Variants in MCCC2 observed in about 807,000 individuals in gnomAD.
MCCC2 encodes the protein methylcrotonyl-CoA carboxylase subunit 2, also known as methylcrotonoyl-CoA carboxylase beta chain, mitochondrial.
MCCC2 carries 52 observed loss-of-function variants against 77.2 expected under a neutral mutation model. The ratio of observed to expected loss-of-function variants is 0.67; its 90% confidence interval spans 0.54 to 0.85. MCCC2 has a LOEUF of 0.85. MCCC2 is among the 40% of genes least tolerant of loss of function. MCCC2 has a pLI of 0.00. For synonymous variants in MCCC2, 253 were observed against 248.4 expected, an observed-to-expected ratio of 1.02 and a Z score of -0.18; for missense variants, 682 against 703.2, an observed-to-expected ratio of 0.97 and a Z score of 0.34.
intron 5 of MCCC2, 85 bp from the exon 6 acceptor site, chr5:71,604,271 C>T: frequency 8.6e-7 from 1 of 1,157,210 alleles, no homozygotes; most frequent in Non-Finnish European, 1.3e-6. Context: ...TGATTAAGAA[C>T]TGATGCTGTC....
intron 1 of MCCC2, 160 bp from the exon 2 acceptor site, chr5:71,592,766 C>T (rs1745028802): frequency 1.5e-6 from 1 of 671,084 alleles, no homozygotes; most frequent in African/African-American, 1.8e-5. Context: ...CCATACGATC[C>T]AGTGGCCCAG....
intron 6 of MCCC2, among the ~76,000 whole-genome samples, chr5:71,616,282 C>G (rs1746151441): frequency 6.6e-6 from 1 of 152,190 alleles, no homozygotes; most frequent in African/African-American, 2.4e-5. Context: ...TAGTCAAACC[C>G]AAGGATGGGT....
chr5:71,593,088 T>TA, intron 2 of MCCC2, 96 bp downstream of exon 2: 1 of 1,064,764 alleles, frequency 9.4e-7, no homozygotes, highest in Non-Finnish European at 1.4e-6. Context: ...AAGCTTTTGA[T>TA]ATTTTTTTTT....
chr5:71,590,566 T>C (rs937571120), intron 1 of MCCC2, among the ~76,000 whole-genome samples: 1 of 152,002 alleles, frequency 6.6e-6, no homozygotes, highest in African/African-American at 2.4e-5. Context: ...CCTGTAATCC[T>C]AGCGCTTTGG....
intron 1 of MCCC2, among the ~76,000 whole-genome samples, chr5:71,591,968 A>G (rs1277806266): frequency 3.3e-5 from 5 of 151,924 alleles, no homozygotes; most frequent in Admixed American, 6.6e-5. Flanking sequence ...AAGTCTCCCT[A>G]TGTTACTCAG....
rs188055826 is a variant in MCCC2, at chr5:71,646,104, G to A, written c.1150-107G>A. The stretch of plus-strand genomic sequence containing the variant: ...AATAAGAAGAGAAAAAATTTTAAAG[G>A]GGAGTATTCTTTCTTGTCTTTGGCT... On this transcript the variant is annotated intron_variant, in intron 12 of 16. Coordinates refer to ENST00000340941, the MANE Select transcript of MCCC2 (RefSeq NM_022132.5). The A allele has an allele frequency of 1.6e-4, 147 of 901,422 alleles. 1 individual carries two copies. In the East Asian group the frequency reaches 3.5e-3, roughly 21 times the overall value. 55.8% of individuals were successfully genotyped at this position (901,422 alleles called of 1,614,324 possible).
intron 6 of MCCC2, among the ~76,000 whole-genome samples, chr5:71,607,045 G>A (rs1331289974): frequency 6.6e-6 from 1 of 150,442 alleles, no homozygotes; most frequent in Non-Finnish European, 1.5e-5. Flanking sequence ...CTCTTTTTTG[G>A]TTGTGTCTCT....
At chr5:71,646,156 G>T (rs1580329515) in intron 12 of MCCC2, 55 bp from the exon 13 acceptor site, 3 of 1,442,152 alleles carry the variant, frequency 2.1e-6, no homozygotes, top group Admixed American at 3.4e-5. Context: ...TAGAATGCAT[G>T]ATGATAATAG....
intron 1 of MCCC2, among the ~76,000 whole-genome samples, chr5:71,590,629 C>G (rs1282036958): frequency 6.6e-6 from 1 of 151,780 alleles, no homozygotes; most frequent in Non-Finnish European, 1.5e-5. Flanking sequence ...CCAGCCTGGC[C>G]AACATGGTGA....
chr5:71,648,102 G>A (rs1747320328), intron 13 of MCCC2, among the ~76,000 whole-genome samples: 1 of 152,340 alleles, frequency 6.6e-6, no homozygotes, highest in South Asian at 2.1e-4. Context: ...ATGGTGCCAA[G>A]TAAAGGGCTG....
intron 6 of MCCC2, among the ~76,000 whole-genome samples, chr5:71,612,649 G>A (rs909613621): frequency 6.6e-6 from 1 of 152,226 alleles, no homozygotes; most frequent in African/African-American, 2.4e-5. Flanking sequence ...GAGCCAACAT[G>A]CTGGGCCTGG....
chr5:71,625,541 A>G (rs1275644019), intron 6 of MCCC2, among the ~76,000 whole-genome samples: 1 of 152,202 alleles, frequency 6.6e-6, no homozygotes, highest in Non-Finnish European at 1.5e-5. Flanking sequence ...TATTTTTGCT[A>G]TTGTAACAAT....
intron 6 of MCCC2, among the ~76,000 whole-genome samples, chr5:71,616,522 A>G (rs535154051): frequency 2.0e-5 from 3 of 152,188 alleles, no homozygotes; most frequent in Non-Finnish European, 4.4e-5. Context: ...TGTCAGAGGT[A>G]TTGAGTGACT....
chr5:71,605,636 G>A (rs921072558), intron 6 of MCCC2, among the ~76,000 whole-genome samples: 28 of 150,924 alleles, frequency 1.9e-4, no homozygotes, highest in African/African-American at 6.8e-4. Context: ...TGGTGTTTCG[G>A]ACATGAAGTC....
chr5:71,610,802 C>T (rs868779744), intron 6 of MCCC2, among the ~76,000 whole-genome samples: 18 of 152,026 alleles, frequency 1.2e-4, no homozygotes, highest in African/African-American at 2.2e-4. Context: ...CTGGCTAACG[C>T]GGTGAAACCC....
chr5:71,606,347 A>G (rs1208552619), intron 6 of MCCC2, among the ~76,000 whole-genome samples: 4 of 152,052 alleles, frequency 2.6e-5, no homozygotes, highest in African/African-American at 7.2e-5. Flanking sequence ...ATTGTGAATG[A>G]GAGTTCACTC....
intron 9 of MCCC2, 44 bp downstream of exon 9, chr5:71,635,086 ATT>A: frequency 6.2e-7 from 1 of 1,612,938 alleles, no homozygotes; most frequent in Non-Finnish European, 8.5e-7. Context: ...CCTGAAATGC[ATT>A]TTGACTCACT....
intron 14 of MCCC2, 109 bp from the exon 15 acceptor site, chr5:71,649,960 A>G (rs1561848206): frequency 1.2e-6 from 1 of 805,060 alleles, no homozygotes. Flanking sequence ...AGATGATTGT[A>G]ATGTGCAGCC....
chr5:71,653,616 A>G (rs761975256), intron 16 of MCCC2, among the ~76,000 whole-genome samples: 9 of 152,132 alleles, frequency 5.9e-5, no homozygotes, highest in Non-Finnish European at 1.2e-4. Flanking sequence ...TTGAGAGGCC[A>G]GGGCGGGCAG....
Sources: allele counts gnomAD v4.1 joint callset (sites outside exome capture counted in the v4.1 genomes callset), GRCh38; gene constraint gnomAD v4.1.1; transcripts MANE v1.5; gene names NCBI Gene and HGNC (gene_info 2026-07-23, HGNC 2026-07-21).